Variants in CHD5 observed in about 807,000 individuals in gnomAD.
CHD5 encodes the protein ATP-dependent chromatin remodeler CHD5.
CHD5 carries 69 observed loss-of-function variants against 230.3 expected under a neutral mutation model. The observed-to-expected ratio is 0.30, with a 90% CI of 0.25 to 0.37. The LOEUF is 0.37. CHD5 is among the 10% of genes least tolerant of loss of function. CHD5 has a pLI of 1.00. For missense variants in CHD5, 1,827 were observed against 2,622.8 expected, an observed-to-expected ratio of 0.70 and a Z score of 6.63; for synonymous variants, 1,064 against 1,065.9, an observed-to-expected ratio of 1.00 and a Z score of 0.03.
rs569309155 is a variant in CHD5 at position 6,119,697 on chromosome 1, G to A, written c.4912+1408C>T. On this transcript the variant is annotated intron_variant, in intron 33 of 41. Transcript: ENST00000262450. The stretch of plus-strand genomic sequence containing the variant: ...CATGCATTATCTACTGACCTAATGC[G>A]CATATATATATACGTGTGTGTATAT... Among the ~76,000 whole-genome samples, 25 of 150,960 alleles carry A rather than the reference G, an allele frequency of 1.7e-4. No homozygotes were observed. In the Middle Eastern group the frequency reaches 0.01, roughly 63 times the overall value.
rs1001100095 is a variant in CHD5, at chr1:6,109,698, GC to G, written c.5578+96del. 3.7e-6 allele frequency: 4 copies of G among 1,067,242 alleles called. No homozygotes were observed. The African/African-American group carries it at 6.3e-5, about 17-fold the overall frequency. 66.1% of individuals were successfully genotyped at this position (1,067,242 alleles called of 1,614,324 possible). On this transcript the variant is annotated intron_variant, in intron 38 of 41. Transcript: ENST00000262450. ...CCCTCTGGGCTGACATCTGTCCCCA[GC>G]CCCTACCCCATCAGTGCCCTCATCT...
rs1226625726 is a variant in CHD5 at position 6,132,885 on chromosome 1, T to TCTCTCTCC, written c.3145-1138_3145-1137insGGAGAGAG. On this transcript the variant is annotated intron_variant, in intron 20 of 41. Transcript: ENST00000262450. ...TTTCAGGCTATCCTATTCTTTTCTC[T>TCTCTCTCC]CTCTCTCTCTCTCTCTCTCTCTCTC... 5.5e-5 allele frequency among the ~76,000 whole-genome samples: 8 copies of TCTCTCTCC among 145,578 alleles called. No homozygotes were observed. The East Asian group carries it at 1.6e-3, about 29-fold the overall frequency.
intron 29 of CHD5, 131 bp from the exon 30 acceptor site, chr1:6,124,792 GC>G: frequency 1.4e-6 from 1 of 703,476 alleles, no homozygotes; most frequent in Non-Finnish European, 2.3e-6. Context: ...TCAGGCCTGG[GC>G]CAGGCCCGGG....
chr1:6,164,199 G>A (rs1033900243), intron 2 of CHD5, among the ~76,000 whole-genome samples: 6 of 152,200 alleles, frequency 3.9e-5, no homozygotes, highest in South Asian at 2.1e-4. Flanking sequence ...CTCCGCACAC[G>A]CACCGCATCT....
In CHD5 at chr1:6,112,183, C is replaced by T. The variant is rs1254857376; in HGVS notation, c.5097G>A (p.Gly1699=). The T allele has an allele frequency of 9.3e-6, 15 of 1,614,056 alleles. No individual in the cohort carries two copies. Among genetic ancestry groups the T allele is most frequent in the Non-Finnish European group, 1.3e-5 (15 of 1,180,030 alleles). ...CGATGTTGAACATGAACTTGAATTT[C>T]CCCTTCTTGTCCTCCTTCTTCCCCT... ...DDEGKKEDKK[G]KFKFMFNIAD... Residue 1699 remains glycine, a synonymous_variant, in exon 35 of 42, where the codon GGG becomes GGA. Transcript: ENST00000262450.
chr1:6,140,274 C>G (rs1158599657), intron 15 of CHD5, among the ~76,000 whole-genome samples: 4 of 152,130 alleles, frequency 2.6e-5, no homozygotes, highest in Non-Finnish European at 4.4e-5. Context: ...GTAGCACGCG[C>G]CTGTAGTCCC....
At chr1:6,127,900 G>A in intron 25 of CHD5, 146 bp downstream of exon 25, 2 of 690,812 alleles carry the variant, frequency 2.9e-6, no homozygotes, top group South Asian at 1.8e-5. Flanking sequence ...AGGGAGGGCG[G>A]GGCTGCGGCT....
intron 15 of CHD5, among the ~76,000 whole-genome samples, chr1:6,137,492 C>G (rs935342562): frequency 3.9e-5 from 6 of 152,142 alleles, no homozygotes; most frequent in African/African-American, 1.2e-4. Flanking sequence ...ATCCCCCACT[C>G]CCCCCAGGGT....
Position 6,128,946 on chromosome 1 carries a change from G to A in CHD5, c.3511C>T (p.Leu1171=). 2 of 1,613,288 alleles carry A rather than the reference G, an allele frequency of 1.2e-6. No homozygotes were observed. The highest frequency in any genetic ancestry group is 8.5e-7 in the Non-Finnish European group (1 of 1,180,000). The change falls in exon 23 of 42, where the codon CTG becomes TTG. Residue 1171 remains leucine (L), a synonymous_variant. Coordinates refer to ENST00000262450, the MANE Select transcript of CHD5 (RefSeq NM_015557.3). The surrounding 1 kb of genome is among the most constrained non-coding windows in gnomAD (Gnocchi z 7.8). ...GAGCCGAGGCCGGGCCGCACCACCA[G>A]GTGGGTGAGCATCATCTTGCGCTTG... ...VAKRKMMLTH[L]VVRPGLGSKS... is the part of the protein sequence containing the mutation.
chr1:6,160,432 GAGA>G (rs559049921), intron 2 of CHD5, among the ~76,000 whole-genome samples: 1 of 93,020 alleles, frequency 1.1e-5, no homozygotes, highest in African/African-American at 4.6e-5. Flanking sequence ...GCCAGAGAAG[GAGA>G]GCCCCAGCCA....
At chr1:6,114,589 C>T (rs1244054057) in intron 33 of CHD5, among the ~76,000 whole-genome samples, 1 of 151,300 alleles carries the variant, frequency 6.6e-6, no homozygotes, top group African/African-American at 2.4e-5. Flanking sequence ...TTTATGAATT[C>T]GTGTTGGGCC....
intron 15 of CHD5, 108 bp from the exon 16 acceptor site, chr1:6,136,973 TC>T: frequency 8.0e-7 from 1 of 1,253,122 alleles, no homozygotes; most frequent in Non-Finnish European, 1.1e-6. Context: ...CCACAAAGGC[TC>T]CACGGAGCCC....
chr1:6,128,367 G>GT lies in CHD5; in HGVS notation c.3730+131dup. 1 of 1,104,538 alleles carries GT rather than the reference G, an allele frequency of 9.1e-7. No homozygotes were observed. The highest frequency in any genetic ancestry group is 2.7e-4 in the Middle Eastern group (1 of 3,678). 68.4% of individuals were successfully genotyped at this position (1,104,538 alleles called of 1,614,324 possible). The stretch of plus-strand genomic sequence containing the variant: ...GTGACCAGACAGAGGAAACTGCGCT[G>GT]TAACAGCCCCACTCGCCGCCCACCT... On this transcript the variant is annotated intron_variant, in intron 24 of 41. Coordinates refer to ENST00000262450, the MANE Select transcript of CHD5 (RefSeq NM_015557.3). This position sits in a 1 kb window ranked among gnomAD's most constrained non-coding sequence, Gnocchi z 7.8.
chr1:6,107,082 G>A (rs12087055), intron 38 of CHD5, among the ~76,000 whole-genome samples: 33 of 102,446 alleles, frequency 3.2e-4, no homozygotes, highest in South Asian at 1.9e-3. Flanking sequence ...TGATGGAGGG[G>A]TGGAAGGACG....
intron 16 of CHD5, 29 bp downstream of exon 16, chr1:6,136,699 T>C: frequency 6.2e-7 from 1 of 1,610,884 alleles, no homozygotes; most frequent in Admixed American, 1.7e-5. Flanking sequence ...CCCGGGAAGC[T>C]CTGGGGTCTG....
intron 6 of CHD5, 40 bp downstream of exon 6, chr1:6,152,372 A>G (rs1308834700): frequency 6.3e-7 from 1 of 1,591,178 alleles, no homozygotes; most frequent in Admixed American, 1.8e-5. Flanking sequence ...ACACACATGC[A>G]TGCAAATGCA....
In CHD5 at chr1:6,142,023, T is replaced by C. The variant is rs1203148349; in HGVS notation, c.2436+105A>G. On this transcript the variant is annotated intron_variant, in intron 15 of 41. Transcript: ENST00000262450. This position sits in a 1 kb window ranked among gnomAD's most constrained non-coding sequence, Gnocchi z 5.2. The stretch of plus-strand genomic sequence containing the variant: ...GCCCCTCAGAGCCTGCCGGCCTCGG[T>C]AGCCCTCCCAGGCTGAGGGACCCCA... 7 of 1,006,230 alleles carry C rather than the reference T, an allele frequency of 7.0e-6. No homozygotes were observed. The highest frequency in any genetic ancestry group is 3.8e-5 in the Admixed American group (2 of 52,192). 62.3% of individuals were successfully genotyped at this position (1,006,230 alleles called of 1,614,324 possible).
chr1:6,143,559 C>T (rs575792564), intron 13 of CHD5, among the ~76,000 whole-genome samples: 7 of 152,312 alleles, frequency 4.6e-5, no homozygotes, highest in South Asian at 2.1e-4. Flanking sequence ...CAGGGCCAGG[C>T]GCTAGTGGAC....
chr1:6,140,432 T>C (rs1193869422), intron 15 of CHD5, among the ~76,000 whole-genome samples: 18 of 150,470 alleles, frequency 1.2e-4, no homozygotes, highest in Admixed American at 1.2e-3. Flanking sequence ...GAAAAAGAAA[T>C]GCAGAGGCTC....
Sources: allele counts gnomAD v4.1 joint callset (sites outside exome capture counted in the v4.1 genomes callset), GRCh38; gene constraint gnomAD v4.1.1; non-coding constraint Gnocchi (gnomAD v3.1); transcripts MANE v1.5; gene names NCBI Gene and HGNC (gene_info 2026-07-23, HGNC 2026-07-21).